The following ARHGAP32 variants were observed in gnomAD, a reference collection of about 807,000 sequenced individuals.
ARHGAP32 encodes the protein Rho GTPase activating protein 32.
In ARHGAP32, 51 loss-of-function variants were observed where a neutral mutation model predicts 186.5. The observed-to-expected ratio is 0.27, with a 90% confidence interval of 0.22 to 0.35. The LOEUF is 0.35. ARHGAP32 is among the 10% of genes least tolerant of loss of function. The pLI is 1.00. For missense variants in ARHGAP32, 2,186 were observed against 2,623.5 expected (o/e 0.83, Z 3.64); for synonymous variants, 950 against 964.3 (o/e 0.99, Z 0.27).
intron 1 of ARHGAP32, among the ~76,000 whole-genome samples, chr11:129,258,898 C>A (rs1169017583): frequency 6.6e-6 from 1 of 152,146 alleles, no homozygotes; most frequent in Admixed American, 6.5e-5. Flanking sequence ...CATCTTACCC[C>A]TATCAGGTAC....
chr11:129,066,829 G>GA lies in ARHGAP32; in HGVS notation c.570dup (p.Arg191SerfsTer4), dbSNP rs1940709753. The stretch of plus-strand genomic sequence containing the variant: ...AGATGAAGATGTTTATCAAGTACCC[G>GA]AAAATCTTCATAACTTCTTTTAACA... On this transcript the variant is annotated frameshift_variant, in exon 7 of 23. Transcript: ENST00000682385. LOFTEE classifies it high-confidence loss of function. 1 of 1,610,480 alleles carries GA rather than the reference G, an allele frequency of 6.2e-7. No homozygotes were observed. The highest frequency in any genetic ancestry group is 8.5e-7 in the Non-Finnish European group (1 of 1,178,118).
intron 14 of ARHGAP32, 23 bp from the exon 15 acceptor site, chr11:128,986,108 TAAAC>T: frequency 6.5e-7 from 1 of 1,550,374 alleles, no homozygotes; most frequent in South Asian, 1.2e-5. Context: ...CAGTACAAAA[TAAAC>T]TAGTGAGCTC....
chr11:128,969,148 T>C lies in ARHGAP32; in HGVS notation c.6065A>G (p.Gln2022Arg). Residue 2022 changes from glutamine to arginine, a missense_variant, in exon 23 of 23, where the codon CAA becomes CGA. Coordinates refer to ENST00000682385, the MANE Select transcript of ARHGAP32 (RefSeq NM_001378024.1). The surrounding 1 kb of genome is among the most constrained non-coding windows in gnomAD (Gnocchi z 4.8). The part of the protein sequence containing the change: ...ERDPSVLYQY[Q>R]PHGKRQSSVT... ...ACTGCTCTGGCGCTTGCCGTGTGGT[T>C]GGTACTGGTACAGCACACTGGGGTC... 6.2e-7 allele frequency: 1 copy of C among 1,609,928 alleles called. No individual in the cohort carries two copies. Among genetic ancestry groups the C allele is most frequent in the Non-Finnish European group, 8.5e-7 (1 of 1,177,172 alleles).
At chr11:129,072,245 A>C (rs1940891684) in intron 6 of ARHGAP32, among the ~76,000 whole-genome samples, 1 of 152,176 alleles carries the variant, frequency 6.6e-6, no homozygotes, top group Non-Finnish European at 1.5e-5. Context: ...GAGGTATTAA[A>C]ATATTTTTTG....
At chr11:129,106,459 G>A (rs1052705039) in intron 5 of ARHGAP32, among the ~76,000 whole-genome samples, 4 of 151,956 alleles carry the variant, frequency 2.6e-5, no homozygotes, top group Admixed American at 6.6e-5. Context: ...CTCATAAGTC[G>A]GAGCTGAACA....
rs573403830 is a variant in ARHGAP32 at position 129,142,453 on chromosome 11, C to T, written c.226-17559G>A. ...ACGCTCTCATACTTTGACAAGGCACCGTAGTCAAATAACATACATATGTAT... is the reference window on the plus strand; with the variant it reads ...ACGCTCTCATACTTTGACAAGGCACTGTAGTCAAATAACATACATATGTAT... On this transcript the variant is annotated intron_variant, in intron 2 of 22. Transcript: ENST00000682385. Among the ~76,000 whole-genome samples, 5 of 152,084 alleles carry T rather than the reference C, an allele frequency of 3.3e-5. No individual in the cohort carries two copies. In the South Asian group the frequency reaches 6.2e-4, roughly 19 times the overall value.
chr11:129,164,441 C>G lies in ARHGAP32; in HGVS notation c.117-14G>C. The G allele has an allele frequency of 1.4e-6, 2 of 1,400,554 alleles. No homozygotes were observed. Among genetic ancestry groups the G allele is most frequent in the Non-Finnish European group, 1.9e-6 (2 of 1,025,798 alleles). The allele number at this position is 1,400,554 out of a possible 1,614,324, so 86.8% of individuals were successfully genotyped here. A position where few individuals can be genotyped will look rare whatever the true frequency, so the allele number is the denominator to read the frequency against. Reference sequence around the variant, plus strand: ...GACTTCATCTTCCTAGAGATCAAAACACGAAAGATTCTGATAAGAATTTCC... The same window carrying G: ...GACTTCATCTTCCTAGAGATCAAAAGACGAAAGATTCTGATAAGAATTTCC... On this transcript the variant is annotated splice_polypyrimidine_tract_variant and intron_variant, in intron 1 of 22. Coordinates refer to ENST00000682385, the MANE Select transcript of ARHGAP32 (RefSeq NM_001378024.1).
intron 1 of ARHGAP32, among the ~76,000 whole-genome samples, chr11:129,251,293 C>T (rs879907534): frequency 1.3e-5 from 2 of 152,118 alleles, no homozygotes; most frequent in Non-Finnish European, 2.9e-5. Flanking sequence ...CTATGAAATA[C>T]GATTCTAACT....
At chr11:128,982,278 G>A (rs1945725074) in intron 15 of ARHGAP32, among the ~76,000 whole-genome samples, 1 of 152,160 alleles carries the variant, frequency 6.6e-6, no homozygotes, top group African/African-American at 2.4e-5. Flanking sequence ...TAGGCATCAA[G>A]GGGAGAATAT....
chr11:129,246,854 C>T (rs1591717192), intron 1 of ARHGAP32, among the ~76,000 whole-genome samples: 2 of 152,168 alleles, frequency 1.3e-5, no homozygotes, highest in Admixed American at 6.5e-5. Context: ...TCCTCTCAAA[C>T]GTGTCTCTAC....
At chr11:129,188,526 G>A (rs747192762) in intron 1 of ARHGAP32, among the ~76,000 whole-genome samples, 1 of 152,064 alleles carries the variant, frequency 6.6e-6, no homozygotes, top group Non-Finnish European at 1.5e-5. Context: ...TACCTACTTA[G>A]ACTGCCACAA....
chr11:129,112,744 A>G (rs11221567), intron 5 of ARHGAP32, among the ~76,000 whole-genome samples: 2 of 152,248 alleles, frequency 1.3e-5, no homozygotes, highest in East Asian at 3.9e-4. Flanking sequence ...TAGACTCTTC[A>G]CCTTCCTTTT....
intron 1 of ARHGAP32, among the ~76,000 whole-genome samples, chr11:129,237,689 G>A (rs1409171060): frequency 6.6e-6 from 1 of 152,096 alleles, no homozygotes; most frequent in African/African-American, 2.4e-5. Flanking sequence ...AGTACGGTGA[G>A]GGCAACAAAG....
intron 12 of ARHGAP32, among the ~76,000 whole-genome samples, chr11:128,994,089 A>C (rs1416992256): frequency 2.6e-5 from 4 of 152,182 alleles, no homozygotes; most frequent in Admixed American, 1.3e-4. Context: ...AAGTACAACT[A>C]AAATTGAATT....
At chr11:129,038,888 GAAAAAAAAAAA>G (rs56810685) in intron 11 of ARHGAP32, among the ~76,000 whole-genome samples, 1 of 92,192 alleles carries the variant, frequency 1.1e-5, no homozygotes, top group Non-Finnish European at 2.1e-5. Flanking sequence ...ACCCTGTCTC[GAAAAAAAAAAA>G]AAAAAAAAGA....
chr11:129,095,479 G>C lies in ARHGAP32; in HGVS notation c.445-1772C>G, dbSNP rs1372203934. Among the ~76,000 whole-genome samples the C allele has an allele frequency of 2.0e-5, 3 of 152,170 alleles. No homozygotes were observed. In the East Asian group the frequency reaches 5.8e-4, roughly 29 times the overall value. On this transcript the variant is annotated intron_variant, in intron 5 of 22. Coordinates refer to ENST00000682385, the MANE Select transcript of ARHGAP32 (RefSeq NM_001378024.1). ...GGTACTCACCAGGGATATCGGGTGA[G>C]TAAACCAAGGCTGCAGGAGAGGAAG...
At position 128,970,389 on chromosome 11, in the gene ARHGAP32, A is replaced by T; in HGVS notation, c.4824T>A (p.Ile1608=). 1 of 1,614,120 alleles carries T rather than the reference A, an allele frequency of 6.2e-7. No homozygotes were observed. Among genetic ancestry groups the T allele is most frequent in the Non-Finnish European group, 8.5e-7 (1 of 1,180,020 alleles). The change falls in exon 23 of 23, where the codon ATT becomes ATA. Residue 1608 remains isoleucine (I), a synonymous_variant. Transcript: ENST00000682385. This position sits in a 1 kb window ranked among gnomAD's most constrained non-coding sequence, Gnocchi z 5.8. ...QSLHAPPSSM[I]RSVPISRTEV... is the part of the protein sequence containing the mutation. ...CTGTCCGTGAAATGGGAACAGAGCGAATCATGGAAGACGGCGGAGCATGGA... is the reference window on the plus strand; with the variant it reads ...CTGTCCGTGAAATGGGAACAGAGCGTATCATGGAAGACGGCGGAGCATGGA...
chr11:129,029,801 C>A (rs1272119893), intron 11 of ARHGAP32, among the ~76,000 whole-genome samples: 68 of 46,942 alleles, frequency 1.4e-3, no homozygotes, highest in African/African-American at 3.5e-3. Context: ...GACTCCGTCT[C>A]AAAAAAAAAA....
chr11:129,248,108 C>T (rs1199672671), intron 1 of ARHGAP32, among the ~76,000 whole-genome samples: 1 of 151,122 alleles, frequency 6.6e-6, no homozygotes, highest in Non-Finnish European at 1.5e-5. Flanking sequence ...GTCAGGAGAT[C>T]GAGACCATCC....
Sources: gnomAD v4.1 joint callset for allele counts (sites outside exome capture counted in the v4.1 genomes callset) on GRCh38, gnomAD v4.1.1 for gene constraint, Gnocchi (gnomAD v3.1) non-coding constraint, MANE v1.5 for transcripts, NCBI Gene and HGNC (gene_info 2026-07-23, HGNC 2026-07-21) for gene names.